TMEM272: variants seen among roughly 807,000 people sequenced by gnomAD.
TMEM272 encodes the protein long intergenic non-protein coding RNA 282.
Under a neutral mutation model 3.7 loss-of-function variants are expected in TMEM272, and 8 were observed. The ratio of observed to expected loss-of-function variants is 2.17; its 90% CI spans 1.27 to 3.91. The LOEUF (loss-of-function observed/expected upper bound fraction) is 3.91, where lower values mean the gene tolerates loss of function less well. TMEM272 is among the 30% of genes most tolerant of loss of function. The pLI, the probability that TMEM272 is intolerant of heterozygous loss-of-function variation, is 0.00. For synonymous variants in TMEM272, 63 were observed against 39.8 expected (o/e 1.58, Z -2.20); for missense variants, 166 against 91.5 (o/e 1.81, Z -3.32).
the TMEM272 span, among the ~76,000 whole-genome samples, chr13:51,919,262 T>A: frequency 6.6e-6 from 1 of 152,164 alleles, no homozygotes; most frequent in African/African-American, 2.4e-5. Context: ...ACACATATTT[T>A]AAATATGTAT....
chr13:51,832,493 C>A (rs1260007969), intron 2 of TMEM272, among the ~76,000 whole-genome samples: 1 of 152,168 alleles, frequency 6.6e-6, no homozygotes, highest in African/African-American at 2.4e-5. Flanking sequence ...CTATCAAATA[C>A]CCAGAAGGCA....
chr13:51,864,553 A>G, the TMEM272 span, among the ~76,000 whole-genome samples: 1 of 152,222 alleles, frequency 6.6e-6, no homozygotes, highest in Non-Finnish European at 1.5e-5. Flanking sequence ...GTAGGCAGCC[A>G]TGCTGTCTGC....
At chr13:51,865,534 C>T in the TMEM272 span, 11 of 1,614,030 alleles carry the variant, frequency 6.8e-6, no homozygotes, top group Admixed American at 1.3e-4. Flanking sequence ...AGGCTTTTCG[C>T]GAAGAGATGA....
the TMEM272 span, among the ~76,000 whole-genome samples, chr13:51,872,664 G>A: frequency 1.3e-5 from 2 of 152,006 alleles, no homozygotes; most frequent in Non-Finnish European, 2.9e-5. Context: ...GAGAAAAAGT[G>A]GAAGAGAGAC....
the TMEM272 span, chr13:51,930,499 T>G: frequency 2.0e-5 from 3 of 152,336 alleles, no homozygotes. Flanking sequence ...AATAGAGCAG[T>G]TTGATTCCTC....
At chr13:51,874,670 G>A in the TMEM272 span, among the ~76,000 whole-genome samples, 8 of 152,128 alleles carry the variant, frequency 5.3e-5, no homozygotes, top group African/African-American at 1.4e-4. Context: ...TGAAGATCAC[G>A]ATCACCTCTT....
the TMEM272 span, among the ~76,000 whole-genome samples, chr13:51,931,321 G>A: frequency 2.2e-4 from 32 of 147,250 alleles, 1 homozygote; most frequent in East Asian, 5.3e-3. Flanking sequence ...AAAAAAGGAT[G>A]AGTTGATGTC....
chr13:51,920,963 A>G, the TMEM272 span, among the ~76,000 whole-genome samples: 1 of 152,172 alleles, frequency 6.6e-6, no homozygotes, highest in Non-Finnish European at 1.5e-5. Flanking sequence ...CTGCACTCCA[A>G]TTATGGATTC....
At chr13:51,874,617 G>C in the TMEM272 span, among the ~76,000 whole-genome samples, 2 of 152,144 alleles carry the variant, frequency 1.3e-5, no homozygotes, top group East Asian at 1.9e-4. Context: ...CCCAAATGCA[G>C]GCAAAGGAAA....
the TMEM272 span, among the ~76,000 whole-genome samples, chr13:51,867,370 T>C: frequency 2.0e-5 from 3 of 152,244 alleles, no homozygotes; most frequent in Admixed American, 1.3e-4. Context: ...CTTGGTATTG[T>C]GGCCCTTTCC....
chr13:51,870,428 A>G, the TMEM272 span, among the ~76,000 whole-genome samples: 1 of 152,228 alleles, frequency 6.6e-6, no homozygotes, highest in African/African-American at 2.4e-5. Flanking sequence ...ATAATTTTCA[A>G]ATTAAAGGGC....
the TMEM272 span, among the ~76,000 whole-genome samples, chr13:51,913,942 G>C: frequency 6.6e-6 from 1 of 152,348 alleles, no homozygotes; most frequent in East Asian, 1.9e-4. Context: ...GAGGCTGTCA[G>C]CCTGCTGCAC....
chr13:51,894,597 T>C, the TMEM272 span, among the ~76,000 whole-genome samples: 19 of 152,204 alleles, frequency 1.2e-4, no homozygotes, highest in African/African-American at 4.1e-4. Flanking sequence ...GCCCAGTGGA[T>C]GTTCAAAGGA....
chr13:51,831,272 A>T (rs995811149), intron 2 of TMEM272, among the ~76,000 whole-genome samples: 3 of 152,092 alleles, frequency 2.0e-5, no homozygotes, highest in Admixed American at 6.5e-5. Flanking sequence ...AAACACAAAA[A>T]TTAGCCAGGC....
chr13:51,863,419 G>C, the TMEM272 span, among the ~76,000 whole-genome samples: 4 of 152,180 alleles, frequency 2.6e-5, no homozygotes, highest in Admixed American at 2.6e-4. Context: ...AATACAGAGA[G>C]CAGCGAGACT....
the TMEM272 span, among the ~76,000 whole-genome samples, chr13:51,880,962 T>C: frequency 0.51 from 78,080 of 152,076 alleles, 20,384 homozygotes; most frequent in Non-Finnish European, 0.56. Flanking sequence ...GTGTAATAAA[T>C]AAATTCCAGC....
At chr13:51,916,270 C>G in the TMEM272 span, among the ~76,000 whole-genome samples, 1 of 152,070 alleles carries the variant, frequency 6.6e-6, no homozygotes, top group Non-Finnish European at 1.5e-5. Context: ...ATTACAGAAG[C>G]CTTGAGGGAG....
chr13:51,879,292 G>C, the TMEM272 span, among the ~76,000 whole-genome samples: 1 of 152,116 alleles, frequency 6.6e-6, no homozygotes, highest in Admixed American at 6.5e-5. Flanking sequence ...CCTAAGCCCA[G>C]GTTCTTCTAT....
chr13:51,902,417 G>T, the TMEM272 span, among the ~76,000 whole-genome samples: 2 of 152,346 alleles, frequency 1.3e-5, no homozygotes, highest in African/African-American at 4.8e-5. Flanking sequence ...AATCTAAAAT[G>T]TTCAGCCTCT....
Sources: gnomAD v4.1 joint callset for allele counts (sites outside exome capture counted in the v4.1 genomes callset) on GRCh38, gnomAD v4.1.1 for gene constraint, MANE v1.5 for transcripts, NCBI Gene and HGNC (gene_info 2026-07-23, HGNC 2026-07-21) for gene names.